Variants in NPEPPS observed in about 807,000 individuals in gnomAD.
NPEPPS encodes the protein puromycin-sensitive aminopeptidase.
NPEPPS carries 14 observed loss-of-function variants against 115.5 expected under a neutral mutation model. The observed-to-expected ratio is 0.12, with a 90% CI of 0.08 to 0.19. The LOEUF is 0.19. Ranked by LOEUF, NPEPPS falls within the 10% of genes least tolerant of loss-of-function variation. The pLI, the probability that NPEPPS is intolerant of heterozygous loss-of-function variation, is 1.00. For synonymous variants in NPEPPS, 285 were observed against 390.6 expected, an observed-to-expected ratio of 0.73 and a Z score of 3.19; for missense variants, 523 against 1,110.8, an observed-to-expected ratio of 0.47 and a Z score of 7.52.
At chr17:47,620,245 A>G (rs1914482852) in intron 22 of NPEPPS, 1 of 154,014 alleles carries the variant, frequency 6.5e-6, no homozygotes, top group South Asian at 2.0e-4. Flanking sequence ...AAGTCCTAAA[A>G]ATGGAAAGCC....
At chr17:47,562,142 G>A (rs1026091623) in intron 2 of NPEPPS, among the ~76,000 whole-genome samples, 2 of 152,278 alleles carry the variant, frequency 1.3e-5, no homozygotes, top group African/African-American at 2.4e-5. Context: ...ACCAGTACAC[G>A]TGTTTTCCTG....
At chr17:47,613,526 C>T in intron 18 of NPEPPS, 143 bp from the exon 19 acceptor site, 2 of 621,244 alleles carry the variant, frequency 3.2e-6, no homozygotes, top group Admixed American at 6.3e-5. Flanking sequence ...CTCGGCCTCC[C>T]AAAGTGCAGG....
chr17:47,593,428 A>G (rs1270140435), intron 12 of NPEPPS, among the ~76,000 whole-genome samples: 4 of 152,128 alleles, frequency 2.6e-5, no homozygotes, highest in African/African-American at 9.7e-5. Flanking sequence ...GTGTGGTGGT[A>G]TGTGCCTGTA....
At chr17:47,545,194 A>G (rs544713700) in intron 1 of NPEPPS, among the ~76,000 whole-genome samples, 189 of 152,050 alleles carry the variant, frequency 1.2e-3, no homozygotes, top group African/African-American at 4.0e-3. Flanking sequence ...TTTTTGTCTC[A>G]CTGTGTTGCC....
intron 12 of NPEPPS, among the ~76,000 whole-genome samples, chr17:47,594,988 G>A (rs1301364927): frequency 6.6e-6 from 1 of 151,230 alleles, no homozygotes; most frequent in East Asian, 2.0e-4. Context: ...GGAGTGCAGT[G>A]GTGCAGTCTT....
intron 1 of NPEPPS, among the ~76,000 whole-genome samples, chr17:47,544,725 T>G (rs896310795): frequency 1.2e-4 from 17 of 145,660 alleles, no homozygotes; most frequent in African/African-American, 3.8e-4. Context: ...TTTTTTTTTT[T>G]TTTTTTGAGA....
intron 1 of NPEPPS, among the ~76,000 whole-genome samples, chr17:47,542,770 G>A (rs1317226163): frequency 6.6e-6 from 1 of 152,110 alleles, no homozygotes; most frequent in Non-Finnish European, 1.5e-5. Flanking sequence ...ACATTCAAAT[G>A]TCTGGAAATG....
At chr17:47,603,879 G>T (rs777614110) in intron 15 of NPEPPS, 36 bp from the exon 16 acceptor site, 4 of 1,555,202 alleles carry the variant, frequency 2.6e-6, no homozygotes, top group Non-Finnish European at 3.5e-6. Context: ...AAAATTAATG[G>T]AGCTGTTTAA....
chr17:47,591,002 G>C (rs938675061), intron 10 of NPEPPS, 121 bp downstream of exon 10: 1 of 1,386,704 alleles, frequency 7.2e-7, no homozygotes, highest in African/African-American at 1.4e-5. Flanking sequence ...TGATTTTACT[G>C]GTTCATATTT....
At chr17:47,535,793 A>C (rs1184766768) in intron 1 of NPEPPS, among the ~76,000 whole-genome samples, 1 of 144,290 alleles carries the variant, frequency 6.9e-6, no homozygotes, top group African/African-American at 2.6e-5. Flanking sequence ...ACTATTTATG[A>C]TTATGAGTGT....
chr17:47,572,611 A>G (rs1911265113), intron 3 of NPEPPS, among the ~76,000 whole-genome samples: 1 of 152,210 alleles, frequency 6.6e-6, no homozygotes, highest in Non-Finnish European at 1.5e-5. Flanking sequence ...CTTGGAAATT[A>G]TGATGGGTAT....
intron 10 of NPEPPS, 70 bp from the exon 11 acceptor site, chr17:47,591,886 G>A (rs776887360): frequency 1.7e-6 from 1 of 597,608 alleles, no homozygotes; most frequent in Non-Finnish European, 3.0e-6. Flanking sequence ...TTCCTAGAAA[G>A]CGTTTTATGT....
chr17:47,540,486 T>C (rs1448997402), intron 1 of NPEPPS, among the ~76,000 whole-genome samples: 1 of 152,238 alleles, frequency 6.6e-6, no homozygotes, highest in Non-Finnish European at 1.5e-5. Context: ...TCAGCACTAC[T>C]GTTTGGAAGA....
At chr17:47,555,981 CTTTTTTTTTTT>C (rs886460288) in intron 2 of NPEPPS, among the ~76,000 whole-genome samples, 5 of 63,056 alleles carry the variant, frequency 7.9e-5, no homozygotes, top group African/African-American at 1.1e-4. Context: ...TTCTGTTTTA[CTTTTTTTTTTT>C]TTTTTTTTTT....
chr17:47,606,283 A>G (rs1208847899), intron 17 of NPEPPS, among the ~76,000 whole-genome samples: 4 of 152,112 alleles, frequency 2.6e-5, no homozygotes, highest in African/African-American at 9.7e-5. Context: ...CTATAAGCAT[A>G]TATTTACTCT....
At chr17:47,594,591 T>TTTATGTTACGTTATGTTATGTTATG (rs1912731533) in intron 12 of NPEPPS, among the ~76,000 whole-genome samples, 2 of 138,294 alleles carry the variant, frequency 1.4e-5, no homozygotes, top group African/African-American at 5.6e-5. Flanking sequence ...TGTATTTTAT[T>TTTATGTTACGTTATGTTATGTTATG]TTATGTTATG....
At position 47,622,111 on chromosome 17, in the gene NPEPPS, A is replaced by G. The variant is rs950018138; in HGVS notation, c.*191A>G. On this transcript the variant is annotated 3_prime_UTR_variant, in exon 23 of 23. Transcript: ENST00000322157. ...TTCTATTGAAAAAGGAAAATCAGCAATTCAGCAAAAAATAAATAAAAAATA... is the reference window on the plus strand; with the variant it reads ...TTCTATTGAAAAAGGAAAATCAGCAGTTCAGCAAAAAATAAATAAAAAATA... The G allele has an allele frequency of 3.1e-6, 4 of 1,286,830 alleles. No individual in the cohort carries two copies. Among genetic ancestry groups the G allele is most frequent in the African/African-American group, 1.5e-5 (1 of 67,228 alleles). 79.7% of individuals were successfully genotyped at this position (1,286,830 alleles called of 1,614,324 possible).
intron 2 of NPEPPS, among the ~76,000 whole-genome samples, chr17:47,552,560 G>T (rs1303811542): frequency 2.0e-5 from 3 of 152,092 alleles, no homozygotes; most frequent in Non-Finnish European, 4.4e-5. Context: ...TTTCCATATG[G>T]CTATATACAA....
At position 47,578,520 on chromosome 17, in the gene NPEPPS, A is replaced by ATTT. The variant is rs1394868851; in HGVS notation, c.419-870_419-869insTTT. Reference sequence around the variant, plus strand: ...ATTTAGCAGATGATTACTAGATAATAATTATAATTTTTTATGTTATAAAAA... The same window carrying ATTT: ...ATTTAGCAGATGATTACTAGATAATATTTATTATAATTTTTTATGTTATAAAAA... On this transcript the variant is annotated intron_variant, in intron 3 of 22. Coordinates refer to ENST00000322157, the MANE Select transcript of NPEPPS (RefSeq NM_006310.4). Among the ~76,000 whole-genome samples, 10 of 152,106 alleles carry ATTT rather than the reference A, an allele frequency of 6.6e-5. No homozygotes were observed. In the East Asian group the frequency reaches 1.7e-3, roughly 26 times the overall value.
Sources: gnomAD v4.1 joint callset for allele counts (sites outside exome capture counted in the v4.1 genomes callset) on GRCh38, gnomAD v4.1.1 for gene constraint, MANE v1.5 for transcripts, NCBI Gene and HGNC (gene_info 2026-07-23, HGNC 2026-07-21) for gene names.